Variants in ARK2N observed in about 807,000 individuals in gnomAD.
ARK2N encodes the protein protein ARK2N.
At chr18:46,262,665 C>T in the ARK2N span, among the ~76,000 whole-genome samples, 23 of 152,238 alleles carry the variant, frequency 1.5e-4, no homozygotes, top group African/African-American at 5.5e-4. Context: ...CACCCATGGT[C>T]AGTGACACAA....
the ARK2N span, among the ~76,000 whole-genome samples, chr18:46,195,011 A>G: frequency 1.3e-5 from 2 of 151,270 alleles, no homozygotes; most frequent in East Asian, 2.0e-4. Flanking sequence ...CATGTTGACT[A>G]GGCTGGTCTC....
the ARK2N span, chr18:46,215,859 T>C: frequency 1.3e-6 from 2 of 1,599,626 alleles, no homozygotes; most frequent in African/African-American, 2.7e-5. Context: ...CTCTACTCCA[T>C]GATTTAACTT....
At chr18:46,198,181 G>C in the ARK2N span, among the ~76,000 whole-genome samples, 3 of 151,664 alleles carry the variant, frequency 2.0e-5, no homozygotes, top group Non-Finnish European at 2.9e-5. Context: ...GGCGCCTGTA[G>C]TCCCAGCTAC....
the ARK2N span, among the ~76,000 whole-genome samples, chr18:46,180,936 A>G: frequency 6.6e-6 from 1 of 152,088 alleles, no homozygotes; most frequent in East Asian, 1.9e-4. Flanking sequence ...TTTTCTTGGT[A>G]TCTCTAAGCT....
At chr18:46,194,836 T>G in the ARK2N span, among the ~76,000 whole-genome samples, 1 of 149,354 alleles carries the variant, frequency 6.7e-6, no homozygotes, top group African/African-American at 2.5e-5. Flanking sequence ...TAGAGTCTCA[T>G]TCTGTGGTCC....
chr18:46,202,053 C>T, the ARK2N span, among the ~76,000 whole-genome samples: 2 of 151,968 alleles, frequency 1.3e-5, no homozygotes, highest in African/African-American at 4.8e-5. Flanking sequence ...GCTGGGATTA[C>T]AGGCATGAGC....
the ARK2N span, among the ~76,000 whole-genome samples, chr18:46,236,838 T>TG: frequency 2.7e-3 from 399 of 150,194 alleles, 3 homozygotes; most frequent in Middle Eastern, 0.021. Flanking sequence ...CTGTTTTTTT[T>TG]TTGTTGTTGT....
At chr18:46,238,306 A>T in the ARK2N span, among the ~76,000 whole-genome samples, 1 of 152,172 alleles carries the variant, frequency 6.6e-6, no homozygotes, top group African/African-American at 2.4e-5. Flanking sequence ...AAAATAGAAC[A>T]TATGGTCAAA....
At chr18:46,244,799 C>A in the ARK2N span, among the ~76,000 whole-genome samples, 4 of 151,582 alleles carry the variant, frequency 2.6e-5, no homozygotes, top group Non-Finnish European at 4.4e-5. Flanking sequence ...ACAGGGTTTA[C>A]CATGTTGGCC....
chr18:46,187,903 T>C, the ARK2N span, among the ~76,000 whole-genome samples: 1 of 152,054 alleles, frequency 6.6e-6, no homozygotes, highest in African/African-American at 2.4e-5. Context: ...AAAAATTTGT[T>C]TAGACTAAAC....
At chr18:46,215,272 T>C in the ARK2N span, among the ~76,000 whole-genome samples, 7 of 152,100 alleles carry the variant, frequency 4.6e-5, no homozygotes, top group Admixed American at 1.3e-4. Flanking sequence ...TGAACTGAGA[T>C]TGCACCATTG....
At chr18:46,230,219 C>T in the ARK2N span, among the ~76,000 whole-genome samples, 6 of 152,212 alleles carry the variant, frequency 3.9e-5, no homozygotes, top group African/African-American at 1.4e-4. Flanking sequence ...GGCACCGCGC[C>T]TGGCCTGTGA....
At chr18:46,250,411 A>G in the ARK2N span, among the ~76,000 whole-genome samples, 1 of 150,684 alleles carries the variant, frequency 6.6e-6, no homozygotes, top group Admixed American at 6.7e-5. Flanking sequence ...CATTTACCTA[A>G]GTCAGAAACC....
At chr18:46,195,795 C>T in the ARK2N span, among the ~76,000 whole-genome samples, 80 of 151,820 alleles carry the variant, frequency 5.3e-4, no homozygotes, top group African/African-American at 1.9e-3. Context: ...AAGCTGGTCT[C>T]GAACTCCTGA....
the ARK2N span, among the ~76,000 whole-genome samples, chr18:46,262,486 A>AT: frequency 6.6e-6 from 1 of 152,370 alleles, no homozygotes; most frequent in South Asian, 2.1e-4. Context: ...CTTTGAAGGC[A>AT]TTATTACCAA....
chr18:46,184,754 G>A, the ARK2N span, among the ~76,000 whole-genome samples: 1 of 152,110 alleles, frequency 6.6e-6, no homozygotes, highest in Non-Finnish European at 1.5e-5. Flanking sequence ...CAAAGATTTA[G>A]GAAGATGAGT....
chr18:46,179,745 C>T, the ARK2N span, among the ~76,000 whole-genome samples: 2 of 152,062 alleles, frequency 1.3e-5, no homozygotes, highest in African/African-American at 4.8e-5. Flanking sequence ...CCTGCCTCAG[C>T]CTCCCGAGTA....
chr18:46,223,227 A>T, the ARK2N span, among the ~76,000 whole-genome samples: 1 of 152,346 alleles, frequency 6.6e-6, no homozygotes, highest in East Asian at 1.9e-4. Flanking sequence ...GATTTCATTT[A>T]GTCTTTTTTT....
chr18:46,238,673 A>G, the ARK2N span, among the ~76,000 whole-genome samples: 1 of 152,046 alleles, frequency 6.6e-6, no homozygotes, highest in Non-Finnish European at 1.5e-5. Flanking sequence ...GCACCTAACA[A>G]CTCATTTACT....
Sources: allele counts gnomAD v4.1 joint callset (sites outside exome capture counted in the v4.1 genomes callset), GRCh38; gene constraint gnomAD v4.1.1; transcripts MANE v1.5; gene names NCBI Gene and HGNC (gene_info 2026-07-23, HGNC 2026-07-21).